SORBS2: variants seen among roughly 807,000 people sequenced by gnomAD.
SORBS2 encodes sorbin and SH3 domain containing 2.
A neutral mutation model predicts 97.7 loss-of-function variants in SORBS2; 46 were observed. The observed-to-expected ratio is 0.47, with a 90% CI of 0.37 to 0.60. The LOEUF is 0.60. Among genes scored for constraint, SORBS2 ranks in the 20% least tolerant of loss-of-function variants. The pLI, the probability that SORBS2 is intolerant of heterozygous loss-of-function variation, is 0.00. For missense variants in SORBS2, 1,316 were observed against 1,282.3 expected, an observed-to-expected ratio of 1.03 and a Z score of -0.40; for synonymous variants, 476 against 473.4, an observed-to-expected ratio of 1.01 and a Z score of -0.07.
intron 1 of SORBS2, among the ~76,000 whole-genome samples, chr4:185,874,818 C>T (rs1579281431): frequency 7.3e-6 from 1 of 137,850 alleles, no homozygotes; most frequent in Non-Finnish European, 1.6e-5. Context: ...TTTATTTTAT[C>T]CCAAAGTTAA....
intron 13 of SORBS2, among the ~76,000 whole-genome samples, chr4:185,591,615 A>G (rs548800301): frequency 3.3e-5 from 5 of 152,268 alleles, no homozygotes; most frequent in African/African-American, 2.4e-5. Flanking sequence ...CCAGTTTCAC[A>G]TTTGAGAGAG....
At chr4:185,777,313 G>A (rs2099004782) in intron 1 of SORBS2, among the ~76,000 whole-genome samples, 1 of 152,054 alleles carries the variant, frequency 6.6e-6, no homozygotes, top group African/African-American at 2.4e-5. Context: ...TTAAATACCT[G>A]CCAATCTAAC....
In SORBS2 at chr4:185,825,284, A is replaced by G. The variant is rs2099199191; in HGVS notation, c.-337-49918T>C. On this transcript the variant is annotated intron_variant, in intron 1 of 20. Transcript: ENST00000284776. The stretch of plus-strand genomic sequence containing the variant: ...GCAATAACAGTCAATGTAATTTATT[A>G]GCAGATTACCATGTGCCAGGCACTA... Among the ~76,000 whole-genome samples, 3 of 143,196 alleles carry G rather than the reference A, an allele frequency of 2.1e-5. No individual in the cohort carries two copies. The South Asian group carries it at 6.5e-4, about 31-fold the overall frequency. 93.9% of individuals were successfully genotyped at this position (143,196 alleles called of 152,430 possible).
At chr4:185,831,789 C>A (rs879180937) in intron 1 of SORBS2, among the ~76,000 whole-genome samples, 2 of 152,148 alleles carry the variant, frequency 1.3e-5, no homozygotes, top group East Asian at 1.9e-4. Flanking sequence ...TGAGATGTTA[C>A]CAGTGCTTTA....
intron 2 of SORBS2, among the ~76,000 whole-genome samples, chr4:185,757,828 A>G (rs1395228970): frequency 6.6e-6 from 1 of 152,254 alleles, no homozygotes; most frequent in Admixed American, 6.5e-5. Context: ...TGGATGGAGA[A>G]GATCAGGCTT....
intron 1 of SORBS2, among the ~76,000 whole-genome samples, chr4:185,655,815 G>A (rs575185773): frequency 2.0e-5 from 3 of 152,244 alleles, no homozygotes; most frequent in African/African-American, 7.2e-5. Context: ...TCTTATAAAG[G>A]AAGAAAACAT....
In SORBS2 at chr4:185,863,078, C is replaced by T. The variant is rs550377565; in HGVS notation, c.-337-87712G>A. ...GGAATCTTGAGAAGCTCTCAAGAAC[C>T]TTAAATTATTATGTTAAGGTATACC... On this transcript the variant is annotated intron_variant, in intron 1 of 20. Coordinates refer to the SORBS2 transcript ENST00000284776. Among the ~76,000 whole-genome samples the T allele has an allele frequency of 5.9e-5, 9 of 152,290 alleles. 1 individual carries two copies. In the South Asian group the frequency reaches 1.2e-3, roughly 21 times the overall value.
chr4:185,709,624 C>T (rs931105813), intron 2 of SORBS2, among the ~76,000 whole-genome samples: 1 of 152,088 alleles, frequency 6.6e-6, no homozygotes, highest in Admixed American at 6.5e-5. Flanking sequence ...TTCCCTAACA[C>T]AAACTTCCCT....
chr4:185,910,216 T>C (rs1019745187), intron 1 of SORBS2, among the ~76,000 whole-genome samples: 7 of 152,278 alleles, frequency 4.6e-5, no homozygotes, highest in Admixed American at 3.3e-4. Context: ...TGGAGTACAA[T>C]GTGTGCCCTA....
At position 185,640,691 on chromosome 4, in the gene SORBS2, T is replaced by C. The variant is rs2097111807; in HGVS notation, c.396+5977A>G. 3.3e-5 allele frequency among the ~76,000 whole-genome samples: 5 copies of C among 152,188 alleles called. No individual in the cohort carries two copies. The South Asian group carries it at 1.0e-3, about 31-fold the overall frequency. On this transcript the variant is annotated intron_variant, in intron 4 of 14. Coordinates refer to ENST00000418609, the Ensembl canonical transcript of SORBS2. ...AGATTTTAATGTCCATAAAATACTA[T>C]TTTTCTCCAATTATTATTTAGATCA...
chr4:185,947,174 A>C (rs1002413800), intron 1 of SORBS2, among the ~76,000 whole-genome samples: 6 of 152,182 alleles, frequency 3.9e-5, no homozygotes, highest in African/African-American at 1.2e-4. Flanking sequence ...TATCCAGGAA[A>C]AGTGCAACCT....
chr4:185,827,021 T>C (rs1465347758), intron 1 of SORBS2, among the ~76,000 whole-genome samples: 1 of 148,208 alleles, frequency 6.7e-6, no homozygotes, highest in Non-Finnish European at 1.5e-5. Flanking sequence ...GTCATCATCA[T>C]CATCACCATC....
intron 1 of SORBS2, among the ~76,000 whole-genome samples, chr4:185,842,653 T>C (rs982579315): frequency 7.9e-5 from 12 of 152,032 alleles, no homozygotes; most frequent in African/African-American, 2.9e-4. Context: ...AATATTAAAT[T>C]TGGCCGGGTG....
intron 12 of SORBS2, among the ~76,000 whole-genome samples, chr4:185,597,005 C>T (rs1280440835): frequency 1.3e-5 from 2 of 152,034 alleles, no homozygotes; most frequent in Non-Finnish European, 2.9e-5. Flanking sequence ...CTTATAATGG[C>T]GAGTTTTAGA....
In SORBS2 at chr4:185,923,275, T is replaced by G. The variant is rs138851143; in HGVS notation, c.-338+32921A>C. ...CGCCCTGCCTCCTTTCCTGAGTAACTTATTCTTTGGGATCAGTCATATAAT... is the reference window on the plus strand; with the variant it reads ...CGCCCTGCCTCCTTTCCTGAGTAACGTATTCTTTGGGATCAGTCATATAAT... On this transcript the variant is annotated intron_variant, in intron 1 of 20. Coordinates refer to the SORBS2 transcript ENST00000284776. Among the ~76,000 whole-genome samples, 400 of 152,206 alleles carry G rather than the reference T, an allele frequency of 2.6e-3. 4 individuals are homozygous for G. The highest frequency in any genetic ancestry group is 9.0e-3 in the African/African-American group (375 of 41,532).
chr4:185,765,348 T>C (rs1028143851), intron 2 of SORBS2, among the ~76,000 whole-genome samples: 3 of 151,740 alleles, frequency 2.0e-5, no homozygotes, highest in Admixed American at 6.6e-5. Context: ...ACATACCAAA[T>C]AGTCTTCTGC....
intron 1 of SORBS2, among the ~76,000 whole-genome samples, chr4:185,935,022 A>G (rs1000654617): frequency 6.6e-6 from 1 of 152,176 alleles, no homozygotes; most frequent in African/African-American, 2.4e-5. Flanking sequence ...TGTATGAAAT[A>G]TGTTCTGCCT....
chr4:185,801,592 C>T (rs117319863), intron 1 of SORBS2, among the ~76,000 whole-genome samples: 4 of 152,106 alleles, frequency 2.6e-5, no homozygotes, highest in Admixed American at 1.3e-4. Flanking sequence ...CGTTTCCATA[C>T]GTCTGTTTGC....
intron 1 of SORBS2, among the ~76,000 whole-genome samples, chr4:185,947,533 C>CTGTG (rs2099275098): frequency 6.6e-6 from 1 of 152,196 alleles, no homozygotes; most frequent in Admixed American, 6.5e-5. Context: ...ATTGCCAGCT[C>CTGTG]TGTGGTCTTA....
Sources: allele counts gnomAD v4.1 joint callset (sites outside exome capture counted in the v4.1 genomes callset), GRCh38; gene constraint gnomAD v4.1.1; transcripts MANE v1.5; gene names NCBI Gene and HGNC (gene_info 2026-07-23, HGNC 2026-07-21).